DUS2: variants seen among roughly 807,000 people sequenced by gnomAD.
DUS2 encodes the protein dihydrouridine synthase 2, also known as tRNA-dihydrouridine(20) synthase [NAD(P)+]-like.
In DUS2, 52 loss-of-function variants were observed where a neutral mutation model predicts 71.3. That is an observed-to-expected ratio of 0.73 (90% CI 0.58 to 0.92). The LOEUF is 0.92. DUS2 is among the 40% of genes least tolerant of loss of function. DUS2 has a pLI of 0.00. For synonymous variants in DUS2, 204 were observed against 227.8 expected, an observed-to-expected ratio of 0.90 and a Z score of 0.94; for missense variants, 558 against 622.6, an observed-to-expected ratio of 0.90 and a Z score of 1.10.
intron 4 of DUS2, 42 bp downstream of exon 4, chr16:68,049,592 T>A: frequency 6.3e-7 from 1 of 1,599,326 alleles, no homozygotes; most frequent in Non-Finnish European, 8.6e-7. Context: ...TATGCCCTGC[T>A]GGGCTCAAGC....
chr16:68,078,975 G>C lies in DUS2; in HGVS notation c.1471G>C (p.Glu491Gln). Residue 491 changes from glutamate to glutamine, a missense_variant, in exon 17 of 17, where the codon GAA becomes CAA. Glu to Gln is a conservative substitution (Grantham distance 29). Coordinates refer to ENST00000565263, the MANE Select transcript of DUS2 (RefSeq NM_017803.5). ...ALGSGEESPLEGW is the reference protein window; with the variant it reads ...ALGSGEESPLQGW ...GGGAAGTGGTGAAGAAAGCCCCCTG[G>C]AAGGCTGGTGACTACTCTTCCTGCC... The C allele has an allele frequency of 6.4e-7, 1 of 1,569,224 alleles. No homozygotes were observed.
At chr16:68,074,259 G>A in intron 13 of DUS2, 104 bp downstream of exon 13, 1 of 1,421,086 alleles carries the variant, frequency 7.0e-7, no homozygotes, top group Non-Finnish European at 9.7e-7. Flanking sequence ...ACAGCTTCTG[G>A]ATGTAGATGT....
At chr16:68,073,001 G>A (rs1371286454) in intron 12 of DUS2, among the ~76,000 whole-genome samples, 1 of 152,214 alleles carries the variant, frequency 6.6e-6, no homozygotes, top group Non-Finnish European at 1.5e-5. Flanking sequence ...GCCCATTCTG[G>A]TTAGAAGGAA....
intron 6 of DUS2, among the ~76,000 whole-genome samples, chr16:68,055,035 C>CT (rs1413220847): frequency 2.1e-5 from 3 of 146,218 alleles, no homozygotes; most frequent in African/African-American, 7.8e-5. Flanking sequence ...AAGCGAGACT[C>CT]TGTCTTAAAA....
At chr16:68,053,820 ATTATACTATTGGAGACAGT>A (rs2033813251) in intron 5 of DUS2, 165 bp downstream of exon 5, 1 of 644,156 alleles carries the variant, frequency 1.6e-6, no homozygotes, top group East Asian at 2.8e-5. Flanking sequence ...GTCATGAGTA[ATTATACTATTGGAGACAGT>A]TTATGGAAAT....
rs74024130 is a variant in DUS2, at chr16:68,079,033, T to G, written c.*47T>G. On this transcript the variant is annotated 3_prime_UTR_variant, in exon 17 of 17. Transcript: ENST00000565263. ...CCCCTCCATGGGCCTGGTGCTAAGG[T>G]GGCTGTGGATGCCACAGCATGAACC... 3,829 of 1,456,830 alleles carry G rather than the reference T, an allele frequency of 2.6e-3. 83 individuals carry two copies. The African/African-American group carries it at 0.048, about 18-fold the overall frequency. 90.2% of individuals were successfully genotyped at this position (1,456,830 alleles called of 1,614,324 possible).
chr16:68,039,185 A>G (rs1326648980), intron 3 of DUS2, among the ~76,000 whole-genome samples: 2 of 152,142 alleles, frequency 1.3e-5, no homozygotes, highest in Non-Finnish European at 2.9e-5. Flanking sequence ...GAAGAGGTAA[A>G]AGAATGAGAA....
intron 11 of DUS2, 151 bp downstream of exon 11, chr16:68,070,371 T>C: frequency 1.5e-6 from 1 of 672,750 alleles, no homozygotes; most frequent in Non-Finnish European, 2.6e-6. Flanking sequence ...TTCCTTCTGC[T>C]GCCACCTGAG....
At chr16:68,078,577 C>A (rs2034192036) in intron 16 of DUS2, 59 bp downstream of exon 16, 1 of 1,573,862 alleles carries the variant, frequency 6.4e-7, no homozygotes, top group East Asian at 2.2e-5. Flanking sequence ...GGGCATTCTG[C>A]CCACACATCC....
intron 8 of DUS2, among the ~76,000 whole-genome samples, chr16:68,062,665 G>T (rs1183278648): frequency 1.4e-5 from 2 of 145,652 alleles, no homozygotes; most frequent in Non-Finnish European, 3.0e-5. Context: ...GTTGCAGTGA[G>T]CAGAGATCGT....
chr16:68,037,016 A>G (rs937861834), intron 2 of DUS2, among the ~76,000 whole-genome samples: 6 of 151,888 alleles, frequency 4.0e-5, no homozygotes, highest in African/African-American at 1.5e-4. Context: ...CCAGTTTTCC[A>G]ACATACTATA....
intron 6 of DUS2, among the ~76,000 whole-genome samples, chr16:68,055,176 C>T (rs974914172): frequency 6.6e-6 from 1 of 152,024 alleles, no homozygotes; most frequent in African/African-American, 2.4e-5. Context: ...TGTATTTATT[C>T]GTGAAACTCC....
intron 4 of DUS2, among the ~76,000 whole-genome samples, chr16:68,050,551 A>G (rs1217002838): frequency 2.0e-5 from 3 of 152,212 alleles, no homozygotes; most frequent in Non-Finnish European, 4.4e-5. Context: ...AGGTAATCAG[A>G]GAGAGGAATA....
intron 15 of DUS2, among the ~76,000 whole-genome samples, chr16:68,077,785 C>T (rs1416843417): frequency 1.3e-5 from 2 of 152,308 alleles, no homozygotes; most frequent in South Asian, 2.1e-4. Context: ...AGGCTTGCTT[C>T]ACTTCCTTTG....
intron 2 of DUS2, among the ~76,000 whole-genome samples, chr16:68,032,686 G>A (rs551375672): frequency 2.6e-5 from 4 of 152,192 alleles, no homozygotes; most frequent in Admixed American, 6.6e-5. Flanking sequence ...GAAGGCCAGG[G>A]TGGCCGGGCA....
chr16:68,055,060 A>G (rs188396034), intron 6 of DUS2, among the ~76,000 whole-genome samples: 82 of 151,366 alleles, frequency 5.4e-4, no homozygotes, highest in Non-Finnish European at 1.1e-3. Flanking sequence ...AAGAGTGTCT[A>G]GTTTCCTTCT....
chr16:68,040,969 G>A (rs528123509), intron 3 of DUS2, among the ~76,000 whole-genome samples: 2 of 152,108 alleles, frequency 1.3e-5, no homozygotes, highest in Non-Finnish European at 1.5e-5. Context: ...GGTGGCTCAC[G>A]CCTGCAATCC....
intron 2 of DUS2, among the ~76,000 whole-genome samples, chr16:68,028,688 A>T (rs2033393593): frequency 6.6e-6 from 1 of 152,142 alleles, no homozygotes; most frequent in Admixed American, 6.6e-5. Context: ...TGAAAGCATG[A>T]TGAGAGTGGC....
chr16:68,053,071 T>C (rs2033802623), intron 4 of DUS2, among the ~76,000 whole-genome samples: 1 of 151,988 alleles, frequency 6.6e-6, no homozygotes, highest in Non-Finnish European at 1.5e-5. Flanking sequence ...CAAGCGATTC[T>C]CCTGCCTCAG....
Sources: gnomAD v4.1 joint callset for allele counts (sites outside exome capture counted in the v4.1 genomes callset) on GRCh38, gnomAD v4.1.1 for gene constraint, MANE v1.5 for transcripts, NCBI Gene and HGNC (gene_info 2026-07-23, HGNC 2026-07-21) for gene names.